The following MDGA2 variants were observed in gnomAD, a reference collection of about 807,000 sequenced individuals.
MDGA2 encodes MAM domain-containing glycosylphosphatidylinositol anchor protein 2.
MDGA2 carries 40 observed loss-of-function variants against 117.8 expected under a neutral mutation model. That is an observed-to-expected ratio of 0.34 (90% confidence interval 0.26 to 0.44). The LOEUF (loss-of-function observed/expected upper bound fraction) is 0.44. Among genes scored for constraint, MDGA2 ranks in the 20% least tolerant of loss-of-function variants. MDGA2 has a pLI of 1.00. For missense variants in MDGA2, 1,123 were observed against 1,250.6 expected (o/e 0.90, Z 1.54); for synonymous variants, 452 against 439.0 (o/e 1.03, Z -0.37).
chr14:47,383,852 G>A (rs1891692493), intron 1 of MDGA2, among the ~76,000 whole-genome samples: 1 of 152,028 alleles, frequency 6.6e-6, no homozygotes, highest in Admixed American at 6.6e-5. Context: ...AATGCACAAA[G>A]CACTCTAATT....
At chr14:47,471,937 T>C (rs1424735202) in intron 1 of MDGA2, among the ~76,000 whole-genome samples, 2 of 152,166 alleles carry the variant, frequency 1.3e-5, no homozygotes, top group East Asian at 1.9e-4. Flanking sequence ...TATGGTGTTA[T>C]TATATTTTCA....
chr14:47,384,019 G>GATAGATAGATAA (rs879472457), intron 1 of MDGA2, among the ~76,000 whole-genome samples: 1 of 107,020 alleles, frequency 9.3e-6, no homozygotes, highest in African/African-American at 3.5e-5. Context: ...ATAGATAATA[G>GATAGATAGATAA]ATAGATTAGA....
chr14:47,080,709 A>G (rs1890678720), intron 6 of MDGA2, among the ~76,000 whole-genome samples: 1 of 152,080 alleles, frequency 6.6e-6, no homozygotes, highest in African/African-American at 2.4e-5. Context: ...TTATAGTTCC[A>G]CCTCTTTCTA....
At chr14:46,945,346 T>C (rs569846294) in intron 9 of MDGA2, among the ~76,000 whole-genome samples, 1 of 152,242 alleles carries the variant, frequency 6.6e-6, no homozygotes, top group African/African-American at 2.4e-5. Context: ...TTTGTTCCTC[T>C]GATTTAATCC....
Position 47,035,120 on chromosome 14 carries a change from C to T in MDGA2, c.1710G>A (p.Arg570=), listed in dbSNP as rs776588156. Residue 570 remains arginine, a synonymous_variant, in exon 8 of 17, where the codon AGG becomes AGA. Transcript: ENST00000399232. ...ACATTTCCCTAGATACATTCACAAT[C>T]CTCAGTGTTCCATCATAACTCTCCA... ...MQMESYDGTL[R]IVNVSREMSG... is the part of the protein sequence containing the mutation. The T allele has an allele frequency of 6.2e-7, 1 of 1,614,112 alleles. No individual in the cohort carries two copies.
chr14:47,006,791 C>T (rs1231914456), intron 8 of MDGA2, among the ~76,000 whole-genome samples: 1 of 151,606 alleles, frequency 6.6e-6, no homozygotes, highest in Admixed American at 6.6e-5. Context: ...AAGATGCAAA[C>T]TGATCTTTAA....
chr14:46,949,312 C>T (rs755213208), intron 9 of MDGA2, among the ~76,000 whole-genome samples: 5 of 151,924 alleles, frequency 3.3e-5, no homozygotes, highest in Non-Finnish European at 7.4e-5. Flanking sequence ...GAGGAGTTCA[C>T]GTAATTTGCT....
In MDGA2 at chr14:46,855,382, CA is replaced by C. The variant is rs2138301872; in HGVS notation, c.2753-229del. Among the ~76,000 whole-genome samples, 1 of 152,096 alleles carries C rather than the reference CA, an allele frequency of 6.6e-6. No homozygotes were observed. The highest frequency in any genetic ancestry group is 2.1e-4 in the South Asian group (1 of 4,826). On this transcript the variant is annotated intron_variant, in intron 14 of 16. Coordinates refer to ENST00000399232, the MANE Select transcript of MDGA2 (RefSeq NM_001113498.3). This position sits in a 1 kb window ranked among gnomAD's most constrained non-coding sequence, Gnocchi z 4.1. Reference sequence around the variant, plus strand: ...AACATGTGCATGTTGCCTGATATTGCAAAAGGGATTTAAGGATTTTGCAATG... The same window carrying C: ...AACATGTGCATGTTGCCTGATATTGCAAAGGGATTTAAGGATTTTGCAATG...
rs1459718448 is a variant in MDGA2 at position 47,124,543 on chromosome 14, C to G, written c.925+7171G>C. ...TTATGTCTGAAATTTTAAGGAAAAG[C>G]AATCCTAAATGCAAAGTCCACATTC... On this transcript the variant is annotated intron_variant, in intron 5 of 16. Transcript: ENST00000399232. 2.0e-5 allele frequency among the ~76,000 whole-genome samples: 3 copies of G among 152,050 alleles called. No individual in the cohort carries two copies. The East Asian group carries it at 5.8e-4, about 29-fold the overall frequency.
intron 4 of MDGA2, among the ~76,000 whole-genome samples, chr14:47,141,648 C>CA (rs1323561306): frequency 5.9e-5 from 9 of 152,188 alleles, no homozygotes; most frequent in Admixed American, 5.2e-4. Flanking sequence ...ATTATCTACT[C>CA]ATGTGTGGAA....
At chr14:47,673,659 T>TGG (rs1204832416) in intron 1 of MDGA2, among the ~76,000 whole-genome samples, 2 of 151,802 alleles carry the variant, frequency 1.3e-5, no homozygotes, top group African/African-American at 4.8e-5. Context: ...TGTGTGTGTG[T>TGG]GTGTGTGTGT....
chr14:47,460,169 T>C (rs1893452692), intron 1 of MDGA2, among the ~76,000 whole-genome samples: 1 of 152,198 alleles, frequency 6.6e-6, no homozygotes, highest in African/African-American at 2.4e-5. Flanking sequence ...AATTCTCTTT[T>C]TAGATATGCC....
At chr14:47,025,606 C>T (rs888123371) in intron 8 of MDGA2, among the ~76,000 whole-genome samples, 2 of 151,390 alleles carry the variant, frequency 1.3e-5, no homozygotes. Context: ...TTTTTATTGT[C>T]ATGACATAGG....
intron 1 of MDGA2, among the ~76,000 whole-genome samples, chr14:47,663,451 C>A (rs1897887176): frequency 6.6e-6 from 1 of 152,150 alleles, no homozygotes; most frequent in Non-Finnish European, 1.5e-5. Context: ...TAAGCAATTA[C>A]AGCCATCTAG....
intron 3 of MDGA2, among the ~76,000 whole-genome samples, chr14:47,170,933 T>G (rs1451037446): frequency 1.3e-5 from 2 of 152,170 alleles, no homozygotes; most frequent in African/African-American, 4.8e-5. Flanking sequence ...TTTAAATGTT[T>G]CGCTTTGTGG....
intron 7 of MDGA2, among the ~76,000 whole-genome samples, chr14:47,040,372 T>C (rs752508140): frequency 4.6e-5 from 7 of 152,114 alleles, no homozygotes; most frequent in Non-Finnish European, 8.8e-5. Flanking sequence ...GATTAAACAA[T>C]ATATATAGTG....
chr14:47,322,480 T>A (rs765080679), intron 1 of MDGA2, among the ~76,000 whole-genome samples: 1 of 152,190 alleles, frequency 6.6e-6, no homozygotes, highest in Non-Finnish European at 1.5e-5. Flanking sequence ...TAAAAATTAC[T>A]GCTAAGTTTT....
At chr14:47,354,695 A>T (rs1382831795) in intron 1 of MDGA2, among the ~76,000 whole-genome samples, 1 of 152,170 alleles carries the variant, frequency 6.6e-6, no homozygotes, top group Non-Finnish European at 1.5e-5. Context: ...ACCCCTTGTT[A>T]AATCCACCTT....
chr14:47,054,550 G>T (rs1334430533), intron 7 of MDGA2, among the ~76,000 whole-genome samples: 2 of 147,110 alleles, frequency 1.4e-5, no homozygotes, highest in East Asian at 4.1e-4. Flanking sequence ...CCACCTATGA[G>T]TGAGAACATG....
Sources: gnomAD v4.1 joint callset for allele counts (sites outside exome capture counted in the v4.1 genomes callset) on GRCh38, gnomAD v4.1.1 for gene constraint, Gnocchi (gnomAD v3.1) non-coding constraint, MANE v1.5 for transcripts, NCBI Gene and HGNC (gene_info 2026-07-23, HGNC 2026-07-21) for gene names.